Variants in FGF13 observed in about 807,000 individuals in gnomAD.
FGF13 encodes fibroblast growth factor homologous factor 2.
FGF13 carries 2 observed loss-of-function variants against 19.5 expected under a neutral mutation model. The ratio of observed to expected loss-of-function variants is 0.10; its 90% CI spans 0.04 to 0.32. The LOEUF (loss-of-function observed/expected upper bound fraction) is 0.32, where lower values mean the gene tolerates loss of function less well. FGF13 is among the 10% of genes least tolerant of loss of function. The pLI is 1.00. For synonymous variants in FGF13, 72 were observed against 76.9 expected, an observed-to-expected ratio of 0.94 and a Z score of 0.33; for missense variants, 113 against 192.7, an observed-to-expected ratio of 0.59 and a Z score of 2.45.
downstream of FGF13, among the ~76,000 whole-genome samples, chrX:138,854,007 T>C (rs139415341): frequency 4.1e-3 from 461 of 111,882 alleles, 3 homozygotes; most frequent in Non-Finnish European, 5.2e-3. Context: ...ACAAATGCCA[T>C]AGGAAGATAA....
At chrX:139,101,675 T>C (rs1483269100) in intron 1 of FGF13, among the ~76,000 whole-genome samples, 1 of 112,579 alleles carries the variant, frequency 8.9e-6, no homozygotes, top group Non-Finnish European at 1.9e-5. Flanking sequence ...TTTCACACTG[T>C]AGTAAGTGAA....
chrX:138,784,183 G>A (rs1405107601), intron 3 of FGF13, among the ~76,000 whole-genome samples: 2 of 67,680 alleles, frequency 3.0e-5, no homozygotes, highest in East Asian at 1.3e-3. Flanking sequence ...GGGGAGGGGG[G>A]AGGGATAGCA....
chrX:138,966,465 G>T (rs750085266), intron 1 of FGF13, among the ~76,000 whole-genome samples: 59 of 112,163 alleles, frequency 5.3e-4, no homozygotes, highest in Non-Finnish European at 9.2e-4. Context: ...AGATTTGACT[G>T]CCCCACTGGA....
At chrX:138,734,416 G>A (rs954279734) in intron 1 of FGF13, among the ~76,000 whole-genome samples, 1 of 111,360 alleles carries the variant, frequency 9.0e-6, no homozygotes, top group South Asian at 3.8e-4. Context: ...ATCAGTTAGG[G>A]AAATAAAGTG....
At chrX:138,978,280 T>TTTTTTA (rs2091948473) in intron 1 of FGF13, among the ~76,000 whole-genome samples, 3 of 102,061 alleles carry the variant, frequency 2.9e-5, no homozygotes. Flanking sequence ...TTTTTTTTTT[T>TTTTTTA]GAGATGGAGT....
At chrX:138,870,647 A>G (rs1039692742) in intron 1 of FGF13, among the ~76,000 whole-genome samples, 3 of 112,803 alleles carry the variant, frequency 2.7e-5, no homozygotes, top group African/African-American at 9.7e-5. Context: ...TTATCCAGGT[A>G]GGCCCAATGT....
chrX:138,905,205 G>C (rs2091551470), intron 1 of FGF13, among the ~76,000 whole-genome samples: 1 of 111,404 alleles, frequency 9.0e-6, no homozygotes, highest in African/African-American at 3.3e-5. Context: ...GAGCTTGCCT[G>C]TTCTTTGAAA....
chrX:138,867,818 TATCTATCTATCTATC>T (rs1414852003), intron 1 of FGF13, among the ~76,000 whole-genome samples: 3 of 102,344 alleles, frequency 2.9e-5, no homozygotes, highest in East Asian at 6.5e-4. Context: ...TCTATCTATC[TATCTATCTATCTATC>T]ATCTATCTAT....
rs1330526315 is a variant in FGF13 at position 139,030,640 on chromosome X, C to T, written c.-112-165990G>A. ...TTTACTCAAGTTTCTGGCACCTCAGCTGGGACGACTAGAGCAGCTAAGGGC... is the reference window on the plus strand; with the variant it reads ...TTTACTCAAGTTTCTGGCACCTCAGTTGGGACGACTAGAGCAGCTAAGGGC... On this transcript the variant is annotated intron_variant, in intron 1 of 2. Coordinates refer to the FGF13 transcript ENST00000421460. Among the ~76,000 whole-genome samples the T allele has an allele frequency of 3.6e-5, 4 of 111,643 alleles. No individual in the cohort carries two copies. In the East Asian group the frequency reaches 1.1e-3, roughly 32 times the overall value.
intron 3 of FGF13, among the ~76,000 whole-genome samples, chrX:138,805,941 T>A (rs751901005): frequency 3.3e-4 from 37 of 111,687 alleles, no homozygotes; most frequent in Non-Finnish European, 5.1e-4. Context: ...ATTAAAAAAG[T>A]CTACAACCCT....
intron 3 of FGF13, among the ~76,000 whole-genome samples, chrX:138,821,269 TAA>T (rs2090997600): frequency 8.9e-6 from 1 of 111,869 alleles, no homozygotes; most frequent in African/African-American, 3.2e-5. Flanking sequence ...ACTAGCAACA[TAA>T]GGCTCTTGAA....
At chrX:139,136,637 G>A (rs2083804374) in intron 1 of FGF13, among the ~76,000 whole-genome samples, 1 of 111,738 alleles carries the variant, frequency 8.9e-6, no homozygotes, top group Non-Finnish European at 1.9e-5. Flanking sequence ...CCAGGTGAGA[G>A]CCTCCAAGAG....
intron 1 of FGF13, among the ~76,000 whole-genome samples, chrX:138,954,765 C>T (rs1388774554): frequency 9.0e-6 from 1 of 111,642 alleles, no homozygotes; most frequent in East Asian, 2.8e-4. Flanking sequence ...TATTACATGC[C>T]TTGTGGATCT....
intron 1 of FGF13, among the ~76,000 whole-genome samples, chrX:138,983,507 T>TCAAAA (rs1024077908): frequency 5.7e-5 from 6 of 105,170 alleles, no homozygotes; most frequent in African/African-American, 2.1e-4. Context: ...ATGGCTACTA[T>TCAAAA]CAAAACAAAA....
intron 1 of FGF13, among the ~76,000 whole-genome samples, chrX:139,117,926 G>A (rs1226275040): frequency 9.0e-6 from 1 of 111,533 alleles, no homozygotes; most frequent in Non-Finnish European, 1.9e-5. Context: ...GCACTAAGCT[G>A]GGGCTAGGCG....
chrX:138,832,774 C>T (rs2091083408), intron 3 of FGF13, among the ~76,000 whole-genome samples: 1 of 112,099 alleles, frequency 8.9e-6, no homozygotes, highest in Admixed American at 9.4e-5. Flanking sequence ...AGGTTTTCTT[C>T]TAGGGTTTTT....
At chrX:139,144,775 AG>A (rs1316072299) in intron 1 of FGF13, among the ~76,000 whole-genome samples, 3 of 111,531 alleles carry the variant, frequency 2.7e-5, no homozygotes, top group African/African-American at 9.8e-5. Context: ...AGAGAAAAAA[AG>A]GGTGATTTCT....
intron 1 of FGF13, among the ~76,000 whole-genome samples, chrX:139,165,816 T>C (rs2084079595): frequency 8.9e-6 from 1 of 111,844 alleles, no homozygotes; most frequent in African/African-American, 3.2e-5. Flanking sequence ...TATGAGGGTA[T>C]GATAGTCTCC....
At chrX:139,054,919 A>G (rs753624857) in intron 1 of FGF13, among the ~76,000 whole-genome samples, 182 of 105,889 alleles carry the variant, frequency 1.7e-3, no homozygotes, top group Non-Finnish European at 2.1e-3. Flanking sequence ...ATTGTATTGT[A>G]TTGTATTGTA....
Sources: gnomAD v4.1 joint callset for allele counts (sites outside exome capture counted in the v4.1 genomes callset) on GRCh38, gnomAD v4.1.1 for gene constraint, MANE v1.5 for transcripts, NCBI Gene and HGNC (gene_info 2026-07-23, HGNC 2026-07-21) for gene names.